ACTG2: variants seen among roughly 807,000 people sequenced by gnomAD.
ACTG2 encodes actin gamma 2, smooth muscle.
ACTG2 carries 16 observed loss-of-function variants against 37.6 expected under a neutral mutation model. The observed-to-expected ratio is 0.43, with a 90% CI of 0.29 to 0.65. The LOEUF is 0.65. ACTG2 is among the 30% of genes least tolerant of loss of function. The pLI is 0.18. For synonymous variants in ACTG2, 181 were observed against 179.9 expected (o/e 1.01, Z -0.05); for missense variants, 238 against 490.9 (o/e 0.48, Z 4.87).
At position 73,901,448 on chromosome 2, in the gene ACTG2, A is replaced by C. The variant is rs1332481500; in HGVS notation, c.126+11A>C. ...CGCCCTCGCCACCAGGTGCGTGCTC[A>C]TCTGGATACCACCAGGCTTTGAGCC... On this transcript the variant is annotated intron_variant, in intron 2 of 8. Coordinates refer to ENST00000345517, the MANE Select transcript of ACTG2 (RefSeq NM_001615.4). The C allele has an allele frequency of 6.2e-6, 10 of 1,613,662 alleles. No individual in the cohort carries two copies. The highest frequency in any genetic ancestry group is 8.5e-6 in the Non-Finnish European group (10 of 1,179,878).
chr2:73,909,473 A>T (rs565934848), intron 5 of ACTG2, among the ~76,000 whole-genome samples: 5 of 152,328 alleles, frequency 3.3e-5, no homozygotes, highest in Admixed American at 2.6e-4. Context: ...GTGCAGTTAC[A>T]CATTGCTTAA....
intron 3 of ACTG2, chr2:73,908,253 G>A (rs756127): frequency 0.55 from 260,197 of 470,134 alleles, 75,088 homozygotes; most frequent in Admixed American, 0.71. Flanking sequence ...ATTGTCAGGA[G>A]ATAGACCCTG....
At chr2:73,895,206 G>A (rs576069799) in intron 1 of ACTG2, among the ~76,000 whole-genome samples, 1 of 152,132 alleles carries the variant, frequency 6.6e-6, no homozygotes, top group East Asian at 1.9e-4. Flanking sequence ...GGTTTTGGTG[G>A]GGGAGATGCA....
chr2:73,898,022 G>A (rs1679786502), intron 1 of ACTG2, among the ~76,000 whole-genome samples: 1 of 152,220 alleles, frequency 6.6e-6, no homozygotes, highest in South Asian at 2.1e-4. Flanking sequence ...CACCCACTTA[G>A]GTGCTGGGGC....
At chr2:73,902,282 A>G in intron 2 of ACTG2, 78 bp from the exon 3 acceptor site, 4 of 1,534,802 alleles carry the variant, frequency 2.6e-6, no homozygotes, top group African/African-American at 1.4e-5. Flanking sequence ...ATCCTTCTTC[A>G]GAGACCTTCC....
rs115124389 is a variant in ACTG2 at position 73,918,031 on chromosome 2, A to G, written c.987+1266A>G. Among the ~76,000 whole-genome samples, 562 of 152,376 alleles carry G rather than the reference A, an allele frequency of 3.7e-3. 5 individuals are homozygous for G. Among genetic ancestry groups the G allele is most frequent in the African/African-American group, 0.013 (527 of 41,582 alleles). ...CATGAGCCACAGCTCTGACTTAAAC[A>G]GTACGTGCCAGCCTTCATGGAGTTT... On this transcript the variant is annotated intron_variant, in intron 8 of 8. Coordinates refer to ENST00000345517, the MANE Select transcript of ACTG2 (RefSeq NM_001615.4).
chr2:73,914,171 C>A (rs958448017), intron 6 of ACTG2, among the ~76,000 whole-genome samples: 1 of 152,078 alleles, frequency 6.6e-6, no homozygotes, highest in Admixed American at 6.5e-5. Flanking sequence ...CTTGAGACTC[C>A]CTCTTTAGAA....
chr2:73,915,555 C>G (rs1680248632), intron 7 of ACTG2, among the ~76,000 whole-genome samples: 1 of 150,032 alleles, frequency 6.7e-6, no homozygotes. Context: ...GGTAAGTAGA[C>G]CAGGCAGATG....
chr2:73,917,342 G>C (rs1400051956), intron 8 of ACTG2, among the ~76,000 whole-genome samples: 1 of 152,180 alleles, frequency 6.6e-6, no homozygotes, highest in Admixed American at 6.5e-5. Flanking sequence ...TGGATGTTTG[G>C]TCATAGGGCC....
intron 6 of ACTG2, among the ~76,000 whole-genome samples, chr2:73,913,861 G>C (rs541215874): frequency 6.6e-6 from 1 of 152,182 alleles, no homozygotes; most frequent in South Asian, 2.1e-4. Context: ...CTCTGTCCAC[G>C]TCCACACCAG....
At chr2:73,910,582 T>A (rs568016566) in intron 5 of ACTG2, among the ~76,000 whole-genome samples, 1 of 146,800 alleles carries the variant, frequency 6.8e-6, no homozygotes, top group Admixed American at 7.0e-5. Context: ...CACTGCAACC[T>A]CCGCCTCCTA....
intron 2 of ACTG2, among the ~76,000 whole-genome samples, chr2:73,901,978 C>G (rs1343920952): frequency 6.7e-6 from 1 of 150,134 alleles, no homozygotes; most frequent in Non-Finnish European, 1.5e-5. Flanking sequence ...ATTTGGAGAT[C>G]TAAGCAGGCA....
chr2:73,896,061 G>T (rs555065457), intron 1 of ACTG2, among the ~76,000 whole-genome samples: 3 of 152,198 alleles, frequency 2.0e-5, no homozygotes, highest in African/African-American at 7.2e-5. Flanking sequence ...AGGGCCGGGT[G>T]CAGTGCTTGC....
chr2:73,893,908 G>T (rs1679685132), intron 1 of ACTG2, among the ~76,000 whole-genome samples: 1 of 152,200 alleles, frequency 6.6e-6, no homozygotes, highest in Non-Finnish European at 1.5e-5. Flanking sequence ...TCTCTTCACA[G>T]GTGAGGCAGG....
At chr2:73,904,769 GTGTGTGTGTATATA>G (rs1373917736) in intron 3 of ACTG2, among the ~76,000 whole-genome samples, 368 of 36,256 alleles carry the variant, frequency 0.01, no homozygotes, top group Middle Eastern at 0.026. Context: ...GTGTGTGTGT[GTGTGTGTGTATATA>G]TATATATATA....
At chr2:73,895,016 G>A (rs995720964) in intron 1 of ACTG2, among the ~76,000 whole-genome samples, 4 of 152,112 alleles carry the variant, frequency 2.6e-5, no homozygotes, top group African/African-American at 7.2e-5. Context: ...TGAGCTGGTG[G>A]CATGGGTGCC....
At chr2:73,915,725 T>C (rs1680253490) in intron 7 of ACTG2, among the ~76,000 whole-genome samples, 1 of 152,134 alleles carries the variant, frequency 6.6e-6, no homozygotes, top group Non-Finnish European at 1.5e-5. Flanking sequence ...GGGAATGAAG[T>C]ATTGATCCAT....
At chr2:73,907,208 C>G (rs961521213) in intron 3 of ACTG2, among the ~76,000 whole-genome samples, 4 of 152,270 alleles carry the variant, frequency 2.6e-5, no homozygotes, top group Non-Finnish European at 5.9e-5. Context: ...TTAAACGTCT[C>G]TCTCCCCTCT....
At chr2:73,902,844 TCTTGGCATTGGA>T in intron 3 of ACTG2, 1 of 1,418,874 alleles carries the variant, frequency 7.0e-7, no homozygotes. Flanking sequence ...TAACTCCCCG[TCTTGGCATTGGA>T]GGACCTTTCC....
Sources: allele counts gnomAD v4.1 joint callset (sites outside exome capture counted in the v4.1 genomes callset), GRCh38; gene constraint gnomAD v4.1.1; transcripts MANE v1.5; gene names NCBI Gene and HGNC (gene_info 2026-07-23, HGNC 2026-07-21).